Variants in RAB3GAP1 observed in about 807,000 individuals in gnomAD.
RAB3GAP1 encodes RAB3 GTPase activating protein catalytic subunit 1, also known as rab3 GTPase-activating protein catalytic subunit.
A neutral mutation model predicts 130.7 loss-of-function variants in RAB3GAP1; 86 were observed. That is an observed-to-expected ratio of 0.66 (90% CI 0.55 to 0.79). RAB3GAP1 has a LOEUF of 0.79. Among genes scored for constraint, RAB3GAP1 ranks in the 30% least tolerant of loss-of-function variants. The pLI is 0.00. For synonymous variants in RAB3GAP1, 367 were observed against 401.7 expected, an observed-to-expected ratio of 0.91 and a Z score of 1.03; for missense variants, 1,029 against 1,169.4, an observed-to-expected ratio of 0.88 and a Z score of 1.75.
chr2:135,117,687 TCTTCTTCTG>T (rs1309929532), intron 7 of RAB3GAP1, among the ~76,000 whole-genome samples: 14 of 112,524 alleles, frequency 1.2e-4, no homozygotes, highest in East Asian at 8.9e-4. Context: ...TGCTTCTGCT[TCTTCTTCTG>T]CTTCTTCTGC....
At chr2:135,055,522 A>T (rs1236432240) in intron 2 of RAB3GAP1, among the ~76,000 whole-genome samples, 1 of 152,058 alleles carries the variant, frequency 6.6e-6, no homozygotes, top group African/African-American at 2.4e-5. Context: ...TACTAAAAAT[A>T]CAAAAGCTAG....
chr2:135,066,309 A>G (rs1013171140), intron 3 of RAB3GAP1, among the ~76,000 whole-genome samples: 12 of 152,144 alleles, frequency 7.9e-5, no homozygotes, highest in African/African-American at 2.2e-4. Flanking sequence ...CCAGAACCCA[A>G]AGTGCTGGGA....
chr2:135,135,764 T>G lies in RAB3GAP1; in HGVS notation c.1755T>G (p.Phe585Leu). 6.2e-7 allele frequency: 1 copy of G among 1,614,016 alleles called. No homozygotes were observed. Among genetic ancestry groups the G allele is most frequent in the Non-Finnish European group, 8.5e-7 (1 of 1,179,974 alleles). Residue 585 changes from phenylalanine to leucine, a missense_variant, in exon 17 of 24, where the codon TTT (phenylalanine) becomes TTG (leucine). Coordinates refer to ENST00000264158, the MANE Select transcript of RAB3GAP1 (RefSeq NM_012233.3). ...CCTGGAGTGACAGCGAAGAAGAATT[T>G]TTTGAATGCCTAAGTGATACTGAAG... ...WDSWSDSEEE[F>L]FECLSDTEEL...
intron 11 of RAB3GAP1, among the ~76,000 whole-genome samples, chr2:135,127,307 G>A (rs1278753253): frequency 2.0e-5 from 3 of 149,570 alleles, no homozygotes; most frequent in Admixed American, 6.7e-5. Flanking sequence ...CCCTCTAGAC[G>A]TGTGTTATCT....
At chr2:135,075,327 C>G (rs1247100151) in intron 3 of RAB3GAP1, among the ~76,000 whole-genome samples, 1 of 152,042 alleles carries the variant, frequency 6.6e-6, no homozygotes, top group Non-Finnish European at 1.5e-5. Flanking sequence ...AAGTGATAGT[C>G]CCTTCCTCAT....
At chr2:135,148,731 C>CG (rs143766601) in intron 17 of RAB3GAP1, among the ~76,000 whole-genome samples, 8,610 of 146,018 alleles carry the variant, frequency 0.059, 497 homozygotes, top group African/African-American at 0.15. Context: ...AGGCTGGGCT[C>CG]GAACTCCTGA....
At chr2:135,142,082 T>C (rs72978392) in intron 17 of RAB3GAP1, among the ~76,000 whole-genome samples, 9,080 of 152,276 alleles carry the variant, frequency 0.06, 524 homozygotes, top group African/African-American at 0.15. Context: ...AACAAACACA[T>C]ATTCAAAATC....
intron 13 of RAB3GAP1, among the ~76,000 whole-genome samples, chr2:135,132,415 G>A (rs918250677): frequency 3.3e-5 from 5 of 151,946 alleles, no homozygotes; most frequent in African/African-American, 1.2e-4. Context: ...ACTTTCCAGG[G>A]GTATCATAAA....
chr2:135,171,708 G>A (rs1300206257), downstream of RAB3GAP1, among the ~76,000 whole-genome samples: 1 of 152,206 alleles, frequency 6.6e-6, no homozygotes, highest in African/African-American at 2.4e-5. Flanking sequence ...CAGGGAGACA[G>A]CAGTGACTAG....
chr2:135,168,457 C>A, intron 23 of RAB3GAP1, 88 bp from the exon 24 acceptor site: 3 of 1,077,614 alleles, frequency 2.8e-6, no homozygotes, highest in South Asian at 1.3e-5. Flanking sequence ...ATTTTCATAT[C>A]TTTATTATGT....
intron 17 of RAB3GAP1, among the ~76,000 whole-genome samples, chr2:135,148,742 C>T (rs527581512): frequency 4.3e-4 from 65 of 149,590 alleles, no homozygotes; most frequent in African/African-American, 1.5e-3. Context: ...GAACTCCTGA[C>T]CTCAAATGAT....
At chr2:135,153,582 G>GC (rs1692231630) in intron 18 of RAB3GAP1, 67 bp from the exon 19 acceptor site, 2 of 1,435,058 alleles carry the variant, frequency 1.4e-6, no homozygotes, top group Middle Eastern at 1.8e-4. Flanking sequence ...ATACAATTTT[G>GC]CAAACAGGCT....
rs1355844059 is a variant in RAB3GAP1 at position 135,130,392 on chromosome 2, C to T, written c.1067-160C>T. ...GACACCATTGTCACTCATGCTTGCA[C>T]ATAAAGCTGAACATGTATATTAATA... On this transcript the variant is annotated intron_variant, in intron 12 of 23. Transcript: ENST00000264158. 3.3e-5 allele frequency among the ~76,000 whole-genome samples: 5 copies of T among 152,224 alleles called. No individual in the cohort carries two copies. The East Asian group carries it at 9.6e-4, about 29-fold the overall frequency.
At chr2:135,112,993 T>G (rs1690858781) in intron 5 of RAB3GAP1, among the ~76,000 whole-genome samples, 158 bp from the exon 6 acceptor site, 1 of 152,176 alleles carries the variant, frequency 6.6e-6, no homozygotes, top group Non-Finnish European at 1.5e-5. Context: ...CTTCTTAAAG[T>G]TGAGGTCTTG....
At chr2:135,073,933 C>T (rs1157201396) in intron 3 of RAB3GAP1, among the ~76,000 whole-genome samples, 1 of 152,154 alleles carries the variant, frequency 6.6e-6, no homozygotes, top group African/African-American at 2.4e-5. Flanking sequence ...GGGCATCCCA[C>T]CAAGGGATGA....
At chr2:135,056,573 C>G (rs1050161085) in intron 2 of RAB3GAP1, among the ~76,000 whole-genome samples, 1 of 152,324 alleles carries the variant, frequency 6.6e-6, no homozygotes, top group Admixed American at 6.5e-5. Flanking sequence ...GATTAATTTA[C>G]AAGTATTTCC....
At chr2:135,092,087 G>A (rs1477606714) in intron 4 of RAB3GAP1, among the ~76,000 whole-genome samples, 1 of 152,118 alleles carries the variant, frequency 6.6e-6, no homozygotes, top group East Asian at 1.9e-4. Flanking sequence ...GATAACATAT[G>A]CATTCAGATT....
Position 135,060,551 on chromosome 2 carries a change from C to T in RAB3GAP1, c.150+2465C>T, listed in dbSNP as rs111411935. ...CTGGGATTACAGGTGTGAGCCACCG[C>T]GCCTGGCCAACTGCTTGATTTTGAC... On this transcript the variant is annotated intron_variant, in intron 3 of 23. Transcript: ENST00000264158. Among the ~76,000 whole-genome samples, 72 of 151,176 alleles carry T rather than the reference C, an allele frequency of 4.8e-4. 1 individual carries two copies. The highest frequency in any genetic ancestry group is 1.4e-3 in the African/African-American group (57 of 41,218).
At chr2:135,058,703 C>T (rs1257545389) in intron 3 of RAB3GAP1, 5 of 152,280 alleles carry the variant, frequency 3.3e-5, no homozygotes, top group African/African-American at 9.7e-5. Flanking sequence ...TCATAAACCA[C>T]ACCCCAAATG....
Sources: gnomAD v4.1 joint callset for allele counts (sites outside exome capture counted in the v4.1 genomes callset) on GRCh38, gnomAD v4.1.1 for gene constraint, MANE v1.5 for transcripts, NCBI Gene and HGNC (gene_info 2026-07-23, HGNC 2026-07-21) for gene names.